Variants in IL31RA observed in about 807,000 individuals in gnomAD.
IL31RA encodes the protein interleukin-31 receptor subunit alpha.
In IL31RA, 66 loss-of-function variants were observed where a neutral mutation model predicts 83.7. The observed-to-expected ratio is 0.79, with a 90% CI of 0.65 to 0.97. The LOEUF (loss-of-function observed/expected upper bound fraction) is 0.97, where lower values mean the gene tolerates loss of function less well. Ranked by LOEUF, IL31RA falls within the 50% of genes least tolerant of loss-of-function variation. The pLI is 0.00. For synonymous variants in IL31RA, 325 were observed against 329.0 expected, an observed-to-expected ratio of 0.99 and a Z score of 0.13; for missense variants, 798 against 919.4, an observed-to-expected ratio of 0.87 and a Z score of 1.71.
intron 5 of IL31RA, among the ~76,000 whole-genome samples, chr5:55,885,592 G>A (rs541975324): frequency 1.8e-4 from 27 of 151,134 alleles, no homozygotes; most frequent in Admixed American, 1.2e-3. Flanking sequence ...CGACATGCGC[G>A]GACAAGACCC....
rs1395028424 is a variant in IL31RA, at chr5:55,922,416, G to C, written c.*5296G>C. The C allele has an allele frequency of 1.3e-6, 2 of 1,550,886 alleles. No individual in the cohort carries two copies. The highest frequency in any genetic ancestry group is 2.4e-5 in the South Asian group (2 of 84,054). On this transcript the variant is annotated 3_prime_UTR_variant, in exon 15 of 15. Transcript: ENST00000652347. Reference sequence around the variant, plus strand: ...TTTAGGACTAGAATTCTGTCTTCCTGCCCAACTTCAATATAAGTGTGGACT... The same window carrying C: ...TTTAGGACTAGAATTCTGTCTTCCTCCCCAACTTCAATATAAGTGTGGACT...
At chr5:55,879,397 T>G (rs2112419303) in intron 4 of IL31RA, among the ~76,000 whole-genome samples, 1 of 145,148 alleles carries the variant, frequency 6.9e-6, no homozygotes, top group Middle Eastern at 3.5e-3. Context: ...CCAGAGCTCC[T>G]ACAAGTTTAG....
chr5:55,853,486 G>A (rs1313579544), intron 1 of IL31RA: 2 of 1,550,272 alleles, frequency 1.3e-6, no homozygotes, highest in African/African-American at 1.4e-5. Context: ...GTCCTGACTT[G>A]TGCTGTGGGA....
chr5:55,843,999 CTTTA>C, the IL31RA span, among the ~76,000 whole-genome samples: 2 of 151,570 alleles, frequency 1.3e-5, no homozygotes, highest in African/African-American at 2.4e-5. Flanking sequence ...TTTTTTTTTA[CTTTA>C]TTTATTTGTA....
chr5:55,910,394 C>A, intron 11 of IL31RA, 138 bp from the exon 12 acceptor site: 1 of 861,792 alleles, frequency 1.2e-6, no homozygotes, highest in South Asian at 1.4e-5. Context: ...GATATTTAAG[C>A]AGGACATGAA....
At chr5:55,907,129 C>CA (rs1234018694) in intron 9 of IL31RA, among the ~76,000 whole-genome samples, 2 of 151,944 alleles carry the variant, frequency 1.3e-5, no homozygotes, top group Non-Finnish European at 2.9e-5. Context: ...TCCCTGCCTC[C>CA]AAAAAATAAA....
intron 1 of IL31RA, among the ~76,000 whole-genome samples, chr5:55,856,520 C>G (rs149302568): frequency 6.6e-6 from 1 of 152,202 alleles, no homozygotes; most frequent in South Asian, 2.1e-4. Flanking sequence ...GAGGCTGATT[C>G]ACCTCATTTA....
At chr5:55,854,939 C>T (rs542494615) in intron 1 of IL31RA, among the ~76,000 whole-genome samples, 12 of 152,108 alleles carry the variant, frequency 7.9e-5, no homozygotes, top group African/African-American at 2.9e-4. Flanking sequence ...TCCAAATAAA[C>T]ATTTAAAAGA....
chr5:55,908,345 A>G lies in IL31RA; in HGVS notation c.1435A>G (p.Ser479Gly). ...VTITWKEIPKSERKGIICNYT... is the reference protein window; with the variant it reads ...VTITWKEIPKGERKGIICNYT... The stretch of plus-strand genomic sequence containing the variant: ...GATCACATGGAAAGAGATTCCCAAG[A>G]GTGAGAGAAAGGGTATCATCTGCAA... The change falls in exon 11 of 15, where the codon AGT becomes GGT. Residue 479 changes from serine to glycine, a missense_variant. Coordinates refer to ENST00000652347, the MANE Select transcript of IL31RA (RefSeq NM_139017.7). 1.2e-6 allele frequency: 2 copies of G among 1,614,190 alleles called. No homozygotes were observed. The highest frequency in any genetic ancestry group is 1.7e-6 in the Non-Finnish European group (2 of 1,180,038).
In IL31RA at chr5:55,910,763, A is replaced by G. The variant is rs1027930150; in HGVS notation, c.1642+91A>G. The G allele has an allele frequency of 4.2e-6, 6 of 1,427,954 alleles. No individual in the cohort carries two copies. In the Admixed American group the frequency reaches 8.4e-5, roughly 20 times the overall value. 88.5% of individuals were successfully genotyped at this position (1,427,954 alleles called of 1,614,324 possible). A position where few individuals can be genotyped will look rare whatever the true frequency, so the allele number is the denominator to read the frequency against. On this transcript the variant is annotated intron_variant, in intron 12 of 14. Coordinates refer to ENST00000652347, the MANE Select transcript of IL31RA (RefSeq NM_139017.7). Reference sequence around the variant, plus strand: ...CATCTGCCAAAAGCTGGAGGAAGCCAAATGAAAGGGCAGTGCCTAGTGCCC... The same window carrying G: ...CATCTGCCAAAAGCTGGAGGAAGCCGAATGAAAGGGCAGTGCCTAGTGCCC...
intron 8 of IL31RA, among the ~76,000 whole-genome samples, chr5:55,900,721 A>C (rs1748759559): frequency 6.6e-6 from 1 of 152,232 alleles, no homozygotes; most frequent in Non-Finnish European, 1.5e-5. Flanking sequence ...AAAAACTTTC[A>C]TTCAAAGAAT....
intron 5 of IL31RA, among the ~76,000 whole-genome samples, chr5:55,886,085 C>A (rs1747580522): frequency 6.6e-6 from 1 of 152,032 alleles, no homozygotes; most frequent in East Asian, 1.9e-4. Context: ...AACTACCCAA[C>A]CCTTGGCATC....
At chr5:55,867,246 T>G in intron 2 of IL31RA, among the ~76,000 whole-genome samples, 1 of 70,254 alleles carries the variant, frequency 1.4e-5, no homozygotes, top group African/African-American at 5.8e-5. Context: ...TGTGTGTGTT[T>G]GTGTGTGCGT....
At chr5:55,908,703 G>C (rs535143977) in intron 11 of IL31RA, 2 of 1,462,364 alleles carry the variant, frequency 1.4e-6, no homozygotes, top group East Asian at 5.0e-5. Flanking sequence ...GGAGCTCCCC[G>C]ACCATCATTC....
At chr5:55,895,377 T>G (rs1748269443) in intron 6 of IL31RA, among the ~76,000 whole-genome samples, 1 of 152,258 alleles carries the variant, frequency 6.6e-6, no homozygotes, top group South Asian at 2.1e-4. Flanking sequence ...AAATTGCCAG[T>G]GAGCCATCTC....
the IL31RA span, among the ~76,000 whole-genome samples, chr5:55,845,051 ATAGT>A: frequency 2.6e-5 from 4 of 152,152 alleles, no homozygotes; most frequent in South Asian, 2.1e-4. Context: ...CATATTAATC[ATAGT>A]TATTTTATAT....
In IL31RA at chr5:55,922,383, A is replaced by G. The variant is rs1445227475; in HGVS notation, c.*5263A>G. 1.9e-6 allele frequency: 3 copies of G among 1,549,794 alleles called. No individual in the cohort carries two copies. Among genetic ancestry groups the G allele is most frequent in the Non-Finnish European group, 8.7e-7 (1 of 1,145,818 alleles). Reference sequence around the variant, plus strand: ...GGGAAGTGAGATACTTGTACTATGCATTTCATTTTTAGGACTAGAATTCTG... The same window carrying G: ...GGGAAGTGAGATACTTGTACTATGCGTTTCATTTTTAGGACTAGAATTCTG... On this transcript the variant is annotated 3_prime_UTR_variant, in exon 15 of 15. Transcript: ENST00000652347.
intron 5 of IL31RA, among the ~76,000 whole-genome samples, chr5:55,889,443 GAA>G (rs1747843813): frequency 2.0e-5 from 3 of 152,208 alleles, no homozygotes; most frequent in Non-Finnish European, 2.9e-5. Flanking sequence ...TGGGTAAAAC[GAA>G]AAAGCCGAGG....
rs963630135 is a variant in IL31RA at position 55,908,981 on chromosome 5, C to G, written c.1501+570C>G. 14 of 773,296 alleles carry G rather than the reference C, an allele frequency of 1.8e-5. No individual in the cohort carries two copies. The African/African-American group carries it at 2.2e-4, about 12-fold the overall frequency. 47.9% of individuals were successfully genotyped at this position (773,296 alleles called of 1,614,324 possible). On this transcript the variant is annotated intron_variant, in intron 11 of 14. Transcript: ENST00000652347. ...TCACAATATTGTGCAACCATCACCA[C>G]TATTTCCAGAACTCTTCTATTTCTG... is the stretch of plus-strand genomic sequence containing the variant.
Sources: allele counts gnomAD v4.1 joint callset (sites outside exome capture counted in the v4.1 genomes callset), GRCh38; gene constraint gnomAD v4.1.1; transcripts MANE v1.5; gene names NCBI Gene and HGNC (gene_info 2026-07-23, HGNC 2026-07-21).